PTPRN2: variants seen among roughly 807,000 people sequenced by gnomAD.
PTPRN2 encodes receptor-type tyrosine-protein phosphatase N2.
In PTPRN2, 74 loss-of-function variants were observed where a neutral mutation model predicts 118.8. The observed-to-expected ratio is 0.62, with a 90% CI of 0.52 to 0.76. The LOEUF (loss-of-function observed/expected upper bound fraction) is 0.76, where lower values mean the gene tolerates loss of function less well. Among genes scored for constraint, PTPRN2 ranks in the 30% least tolerant of loss-of-function variants. The pLI is 0.00. For missense variants in PTPRN2, 1,481 were observed against 1,394.4 expected, an observed-to-expected ratio of 1.06 and a Z score of -0.99; for synonymous variants, 641 against 608.0, an observed-to-expected ratio of 1.05 and a Z score of -0.80.
chr7:158,348,079 C>T (rs1479716107), intron 2 of PTPRN2, among the ~76,000 whole-genome samples: 1 of 152,102 alleles, frequency 6.6e-6, no homozygotes, highest in East Asian at 1.9e-4. Context: ...AAACCACGGC[C>T]CCCTCCTACA....
rs1314615192 is a variant in PTPRN2, at chr7:157,595,526, A to T, written c.2419-211T>A. ...TAGGAAGCCCGGAGGTTAGGAAGCC[A>T]GAAGGTTAGGAAGCCAGGAGGTTAG... On this transcript the variant is annotated intron_variant, in intron 16 of 22. Coordinates refer to ENST00000389418, the MANE Select transcript of PTPRN2 (RefSeq NM_002847.5). Among the ~76,000 whole-genome samples the T allele has an allele frequency of 5.8e-3, 648 of 112,070 alleles. 26 individuals are homozygous for T. Among genetic ancestry groups the T allele is most frequent in the Admixed American group, 0.016 (189 of 12,078 alleles). 73.5% of individuals were successfully genotyped at this position (112,070 alleles called of 152,430 possible). A position where few individuals can be genotyped will look rare whatever the true frequency, so the allele number is the denominator to read the frequency against.
rs1161456073 is a variant in PTPRN2 at position 158,517,944 on chromosome 7, G to T, written c.113-28159C>A. 6.6e-6 allele frequency among the ~76,000 whole-genome samples: 1 copy of T among 152,144 alleles called. No homozygotes were observed. Among genetic ancestry groups the T allele is most frequent in the East Asian group, 1.9e-4 (1 of 5,194 alleles). On this transcript the variant is annotated intron_variant, in intron 1 of 22. Transcript: ENST00000389418. The surrounding 1 kb of genome is among the most constrained non-coding windows in gnomAD (Gnocchi z 5.3). ...CCACTCATTTTTCAGGTACCAAGTT[G>T]CACCTTGCTTCCTCCAAGAGGGCTC...
intron 10 of PTPRN2, among the ~76,000 whole-genome samples, chr7:158,094,477 T>C (rs551052111): frequency 6.6e-5 from 10 of 150,498 alleles, no homozygotes; most frequent in Admixed American, 2.0e-4. Flanking sequence ...GCTCAGCTAA[T>C]TTTTTTTTTA....
At chr7:157,698,834 A>G (rs1253995269) in intron 12 of PTPRN2, among the ~76,000 whole-genome samples, 1 of 152,244 alleles carries the variant, frequency 6.6e-6, no homozygotes, top group African/African-American at 2.4e-5. Context: ...AGTATAGTAT[A>G]TATATTGTAT....
chr7:158,238,249 TG>T (rs2150844877), intron 3 of PTPRN2, among the ~76,000 whole-genome samples: 1 of 152,198 alleles, frequency 6.6e-6, no homozygotes, highest in African/African-American at 2.4e-5. Context: ...TCCCTACAGC[TG>T]GGCCTGGAGA....
At chr7:158,560,686 C>T (rs948505480) in intron 1 of PTPRN2, among the ~76,000 whole-genome samples, 4 of 152,258 alleles carry the variant, frequency 2.6e-5, no homozygotes, top group African/African-American at 7.2e-5. Flanking sequence ...AGCAGGGGCA[C>T]ATGGGCGGCA....
chr7:157,776,524 T>C (rs1375764234), intron 12 of PTPRN2, among the ~76,000 whole-genome samples: 2 of 41,690 alleles, frequency 4.8e-5, no homozygotes, highest in Non-Finnish European at 4.3e-5. Context: ...TCCTTCTCCC[T>C]CTCCTCTCTC....
At chr7:157,626,039 T>C (rs1803551675) in intron 14 of PTPRN2, among the ~76,000 whole-genome samples, 1 of 152,152 alleles carries the variant, frequency 6.6e-6, no homozygotes, top group South Asian at 2.1e-4. Flanking sequence ...AATGCAGAGA[T>C]GAGGCTCACA....
Position 158,316,929 on chromosome 7 carries a change from C to G in PTPRN2, c.167G>C (p.Gly56Ala). The change falls in exon 3 of 23, where the codon GGA (glycine) becomes GCA (alanine). Residue 56 changes from glycine to alanine, a missense_variant. Transcript: ENST00000389418. ...CGASEACVNDGVFGRCQKVPA... is the reference protein window; with the variant it reads ...CGASEACVNDAVFGRCQKVPA... ...AACCTTCTGGCACCTTCCAAACACT[C>G]CATCTGTGAGAAGGGAAGGAGATAA... is the stretch of plus-strand genomic sequence containing the variant. 1 of 1,608,436 alleles carries G rather than the reference C, an allele frequency of 6.2e-7. No homozygotes were observed. The highest frequency in any genetic ancestry group is 8.5e-7 in the Non-Finnish European group (1 of 1,177,668).
intron 11 of PTPRN2, among the ~76,000 whole-genome samples, chr7:157,910,723 T>TGC (rs1491070379): frequency 1.3e-5 from 2 of 150,678 alleles, no homozygotes; most frequent in African/African-American, 2.5e-5. Flanking sequence ...TGTGTGTGTG[T>TGC]GCGAGCGCGC....
chr7:158,140,990 G>A (rs978903604), intron 6 of PTPRN2, among the ~76,000 whole-genome samples: 4 of 152,120 alleles, frequency 2.6e-5, no homozygotes, highest in South Asian at 2.1e-4. Flanking sequence ...GCAGAGTGAC[G>A]CAGAGGGGAC....
rs113538985 is a variant in PTPRN2 at position 157,632,710 on chromosome 7, G to A, written c.2197-11201C>T. On this transcript the variant is annotated intron_variant, in intron 14 of 22. Coordinates refer to ENST00000389418, the MANE Select transcript of PTPRN2 (RefSeq NM_002847.5). The surrounding 1 kb of genome is among the most constrained non-coding windows in gnomAD (Gnocchi z 4.3). ...TTCAGGCTGTCATTCTCAGAGAAGC[G>A]CAAAGAATTTTAAATGAACAATTTT... 6.5e-4 allele frequency among the ~76,000 whole-genome samples: 99 copies of A among 152,148 alleles called. No individual in the cohort carries two copies. The highest frequency in any genetic ancestry group is 2.1e-3 in the African/African-American group (88 of 41,512).
intron 2 of PTPRN2, among the ~76,000 whole-genome samples, chr7:158,367,128 C>T (rs1020083082): frequency 8.5e-5 from 13 of 152,336 alleles, no homozygotes; most frequent in African/African-American, 3.1e-4. Context: ...TGCAGGGACA[C>T]CCACAGAGCT....
At chr7:158,298,090 T>C (rs1800623156) in intron 3 of PTPRN2, among the ~76,000 whole-genome samples, 1 of 152,184 alleles carries the variant, frequency 6.6e-6, no homozygotes, top group Admixed American at 6.5e-5. Flanking sequence ...TTCCTCTCAT[T>C]AATTGTGTAC....
intron 2 of PTPRN2, among the ~76,000 whole-genome samples, chr7:158,326,007 T>G (rs1803484732): frequency 6.6e-6 from 1 of 152,178 alleles, no homozygotes; most frequent in African/African-American, 2.4e-5. Flanking sequence ...TCCCAGGCAC[T>G]GAACCCAGAG....
chr7:158,273,479 CAGGGGGAGCCGCAGGCACA>C (rs1482222429), intron 3 of PTPRN2, among the ~76,000 whole-genome samples: 2,723 of 113,788 alleles, frequency 0.024, 243 homozygotes, highest in East Asian at 0.07. Flanking sequence ...GCCGCAGGCA[CAGGGGGAGCCGCAGGCACA>C]GGGGGAGCCG....
intron 11 of PTPRN2, among the ~76,000 whole-genome samples, chr7:158,057,082 C>A (rs12536746): frequency 6.6e-6 from 1 of 152,100 alleles, no homozygotes; most frequent in Non-Finnish European, 1.5e-5. Flanking sequence ...AACTCGGGGA[C>A]GCTGCCCAGC....
chr7:157,935,273 G>A lies in PTPRN2; in HGVS notation c.1724-36536C>T, dbSNP rs10244724. Reference sequence around the variant, plus strand: ...TTGGCTCATCTTCTGGAACTGTCACGTGGGTCAGACCACTTGACTTTGTCC... The same window carrying A: ...TTGGCTCATCTTCTGGAACTGTCACATGGGTCAGACCACTTGACTTTGTCC... On this transcript the variant is annotated intron_variant, in intron 11 of 22. Coordinates refer to ENST00000389418, the MANE Select transcript of PTPRN2 (RefSeq NM_002847.5). Among the ~76,000 whole-genome samples the A allele has an allele frequency of 3.7e-3, 561 of 152,090 alleles. 3 individuals carry two copies. The highest frequency in any genetic ancestry group is 0.013 in the African/African-American group (527 of 41,470).
chr7:158,529,473 C>T lies in PTPRN2; in HGVS notation c.113-39688G>A, dbSNP rs1032324275. On this transcript the variant is annotated intron_variant, in intron 1 of 22. Coordinates refer to ENST00000389418, the MANE Select transcript of PTPRN2 (RefSeq NM_002847.5). This position sits in a 1 kb window ranked among gnomAD's most constrained non-coding sequence, Gnocchi z 4.7. ...TGCTGCTGACCACGGCCAGCAACGACGAGCCATGGTGACAGCTCACACACA... is the reference window on the plus strand; with the variant it reads ...TGCTGCTGACCACGGCCAGCAACGATGAGCCATGGTGACAGCTCACACACA... Among the ~76,000 whole-genome samples, 2 of 152,186 alleles carry T rather than the reference C, an allele frequency of 1.3e-5. No individual in the cohort carries two copies. Among genetic ancestry groups the T allele is most frequent in the South Asian group, 2.1e-4 (1 of 4,834 alleles).
Sources: allele counts gnomAD v4.1 joint callset (sites outside exome capture counted in the v4.1 genomes callset), GRCh38; gene constraint gnomAD v4.1.1; non-coding constraint Gnocchi (gnomAD v3.1); transcripts MANE v1.5; gene names NCBI Gene and HGNC (gene_info 2026-07-23, HGNC 2026-07-21).